The following ARHGAP31 variants were observed in gnomAD, a reference collection of about 807,000 sequenced individuals.
ARHGAP31 encodes the protein rho GTPase-activating protein 31.
In ARHGAP31, 34 loss-of-function variants were observed where a neutral mutation model predicts 113.9. The ratio of observed to expected loss-of-function variants is 0.30; its 90% CI spans 0.23 to 0.40. The LOEUF (loss-of-function observed/expected upper bound fraction) is 0.40, where lower values mean the gene tolerates loss of function less well. ARHGAP31 is among the 10% of genes least tolerant of loss of function. The probability of loss-of-function intolerance (pLI) is 1.00; values close to 1 mark genes in which losing one functional copy is unlikely to be tolerated. For synonymous variants in ARHGAP31, 650 were observed against 684.8 expected (o/e 0.95, Z 0.79); for missense variants, 1,548 against 1,767.1 (o/e 0.88, Z 2.22).
intron 1 of ARHGAP31, among the ~76,000 whole-genome samples, chr3:119,352,335 G>A (rs2080116755): frequency 6.6e-6 from 1 of 152,132 alleles, no homozygotes. Flanking sequence ...CCCTGTGGGA[G>A]TCCCTCTTAA....
At chr3:119,401,014 T>C (rs141492510) in intron 9 of ARHGAP31, among the ~76,000 whole-genome samples, 2,866 of 151,948 alleles carry the variant, frequency 0.019, 69 homozygotes, top group African/African-American at 0.064. Flanking sequence ...CTACTAAAAA[T>C]ACAAAAATTA....
At chr3:119,391,582 G>T (rs2080503629) in intron 7 of ARHGAP31, among the ~76,000 whole-genome samples, 1 of 142,676 alleles carries the variant, frequency 7.0e-6, no homozygotes, top group East Asian at 2.2e-4. Context: ...TTGCCACCTG[G>T]GTCTCTACCC....
At chr3:119,326,588 A>G (rs905020703) in intron 1 of ARHGAP31, among the ~76,000 whole-genome samples, 1 of 152,166 alleles carries the variant, frequency 6.6e-6, no homozygotes, top group African/African-American at 2.4e-5. Context: ...TGATGGGGAG[A>G]AGTTTTTCAG....
chr3:119,318,099 C>CA (rs779324945), intron 1 of ARHGAP31, among the ~76,000 whole-genome samples: 2,586 of 94,374 alleles, frequency 0.027, 36 homozygotes, highest in African/African-American at 0.065. Context: ...TTGGTCTGTA[C>CA]AAAAAAAAAA....
At chr3:119,409,095 G>A (rs1242241522) in intron 10 of ARHGAP31, among the ~76,000 whole-genome samples, 2 of 152,166 alleles carry the variant, frequency 1.3e-5, no homozygotes, top group African/African-American at 4.8e-5. Context: ...TTGTGGGGCA[G>A]GTTCTGTGCA....
chr3:119,370,204 A>C (rs1464131933), intron 3 of ARHGAP31, among the ~76,000 whole-genome samples: 2 of 152,182 alleles, frequency 1.3e-5, no homozygotes, highest in African/African-American at 4.8e-5. Context: ...GAAAGGTGTG[A>C]GCTTCATGTG....
rs550665131 is a variant in ARHGAP31, at chr3:119,294,468, C to T, written c.-437C>T. The T allele has an allele frequency of 7.4e-5, 32 of 431,262 alleles. No individual in the cohort carries two copies. The highest frequency in any genetic ancestry group is 1.2e-4 in the Non-Finnish European group (29 of 249,376). 26.7% of individuals were successfully genotyped at this position (431,262 alleles called of 1,614,324 possible). The stretch of plus-strand genomic sequence containing the variant: ...TGAAGGCGAGACAGCGGGCCCAGGG[C>T]GCAGGACCCACCGCAGCCCCCTGGG... On this transcript the variant is annotated 5_prime_UTR_variant, in exon 1 of 12. Transcript: ENST00000264245.
chr3:119,416,323 G>A lies in ARHGAP31; in HGVS notation c.*59G>A, dbSNP rs889152708. On this transcript the variant is annotated 3_prime_UTR_variant, in exon 12 of 12. Coordinates refer to ENST00000264245, the MANE Select transcript of ARHGAP31 (RefSeq NM_020754.4). ...GTGATTCATCTGGAAGTTATTACAG[G>A]GCCAGCTTGCCATATTCCAGGCACA... 160 of 1,603,692 alleles carry A rather than the reference G, an allele frequency of 1.0e-4. No homozygotes were observed. Among genetic ancestry groups the A allele is most frequent in the Admixed American group, 9.2e-4 (55 of 59,992 alleles).
intron 1 of ARHGAP31, among the ~76,000 whole-genome samples, chr3:119,322,058 T>C (rs1279149858): frequency 6.6e-6 from 1 of 152,238 alleles, no homozygotes; most frequent in Non-Finnish European, 1.5e-5. Context: ...CAGTGAATAT[T>C]GTGAGGCATA....
intron 6 of ARHGAP31, among the ~76,000 whole-genome samples, chr3:119,383,630 T>C (rs943230216): frequency 1.3e-5 from 2 of 152,240 alleles, no homozygotes; most frequent in African/African-American, 2.4e-5. Context: ...AAGACCCTTA[T>C]GCCTTCACTT....
chr3:119,384,033 G>A (rs192920932), intron 6 of ARHGAP31, among the ~76,000 whole-genome samples: 5 of 152,338 alleles, frequency 3.3e-5, no homozygotes, highest in African/African-American at 1.2e-4. Flanking sequence ...TTCAGGTGAT[G>A]CTGATGCTGC....
intron 1 of ARHGAP31, among the ~76,000 whole-genome samples, chr3:119,362,604 T>C (rs1443088759): frequency 6.6e-6 from 1 of 151,668 alleles, no homozygotes; most frequent in Non-Finnish European, 1.5e-5. Flanking sequence ...CTTACCTCTA[T>C]GAAAAATACA....
chr3:119,353,291 C>T (rs890705630), intron 1 of ARHGAP31, among the ~76,000 whole-genome samples: 7 of 152,322 alleles, frequency 4.6e-5, no homozygotes, highest in African/African-American at 1.7e-4. Context: ...CATCTAAAAG[C>T]TCTGCCTGAC....
At chr3:119,400,765 G>C (rs2107639991) in intron 9 of ARHGAP31, among the ~76,000 whole-genome samples, 1 of 152,276 alleles carries the variant, frequency 6.6e-6, no homozygotes, top group South Asian at 2.1e-4. Flanking sequence ...GCCCAGTTTA[G>C]TGCTTAGTAC....
intron 1 of ARHGAP31, among the ~76,000 whole-genome samples, chr3:119,315,052 C>T (rs930233160): frequency 3.3e-5 from 5 of 152,224 alleles, no homozygotes; most frequent in African/African-American, 1.2e-4. Flanking sequence ...CTGCTACCAG[C>T]AGAAGTCCTT....
chr3:119,415,729 C>G lies in ARHGAP31; in HGVS notation c.3800C>G (p.Pro1267Arg). Residue 1267 changes from proline (P) to arginine (R), a missense_variant, in exon 12 of 12, where the codon CCC becomes CGC. Pro to Arg is a moderately radical substitution (Grantham distance 103). Transcript: ENST00000264245. Reference protein sequence around the residue: ...SSKEEKPKQDPGAIKSSPVDA... With the variant: ...SSKEEKPKQDRGAIKSSPVDA... ...AAGGAAGAAAAACCAAAGCAAGATC[C>G]CGGAGCCATTAAGTCCTCACCAGTG... The G allele has an allele frequency of 6.2e-7, 1 of 1,614,144 alleles. No homozygotes were observed. Among genetic ancestry groups the G allele is most frequent in the South Asian group, 1.1e-5 (1 of 91,084 alleles).
intron 1 of ARHGAP31, among the ~76,000 whole-genome samples, chr3:119,308,533 A>G (rs938103646): frequency 6.6e-6 from 1 of 152,204 alleles, no homozygotes; most frequent in African/African-American, 2.4e-5. Flanking sequence ...GTCCAAAGTC[A>G]TGTCTTTCTC....
intron 1 of ARHGAP31, among the ~76,000 whole-genome samples, chr3:119,338,192 A>T (rs1197818764): frequency 6.6e-6 from 1 of 152,246 alleles, no homozygotes; most frequent in Non-Finnish European, 1.5e-5. Context: ...CATGGATGTT[A>T]CTTGGAGAAC....
rs115881246 is a variant in ARHGAP31, at chr3:119,310,610, C to T, written c.100+15606C>T. On this transcript the variant is annotated intron_variant, in intron 1 of 11. Transcript: ENST00000264245. ...CACGAGGGATTTAGGTTGCAGGTTC[C>T]TTATAAGAATCTACCTAATGCCTGA... 5.3e-3 allele frequency among the ~76,000 whole-genome samples: 814 copies of T among 152,284 alleles called. 7 individuals carry two copies. Among genetic ancestry groups the T allele is most frequent in the African/African-American group, 0.018 (737 of 41,554 alleles).
Sources: gnomAD v4.1 joint callset for allele counts (sites outside exome capture counted in the v4.1 genomes callset) on GRCh38, gnomAD v4.1.1 for gene constraint, MANE v1.5 for transcripts, NCBI Gene and HGNC (gene_info 2026-07-23, HGNC 2026-07-21) for gene names.